Variants in DNAJC11 observed in about 807,000 individuals in gnomAD.
DNAJC11 encodes DnaJ heat shock protein family (Hsp40) member C11.
In DNAJC11, 15 loss-of-function variants were observed where a neutral mutation model predicts 78.6. The observed-to-expected ratio is 0.19, with a 90% CI of 0.13 to 0.29. The LOEUF (loss-of-function observed/expected upper bound fraction) is 0.29. Ranked by LOEUF, DNAJC11 falls within the 10% of genes least tolerant of loss-of-function variation. The probability of loss-of-function intolerance (pLI) is 1.00; values close to 1 mark genes in which losing one functional copy is unlikely to be tolerated. For missense variants in DNAJC11, 547 were observed against 709.6 expected, an observed-to-expected ratio of 0.77 and a Z score of 2.60; for synonymous variants, 292 against 272.1, an observed-to-expected ratio of 1.07 and a Z score of -0.72.
chr1:6,646,064 C>A, intron 7 of DNAJC11, 86 bp from the exon 8 acceptor site: 1 of 1,370,950 alleles, frequency 7.3e-7, no homozygotes, highest in Non-Finnish European at 1.0e-6. Flanking sequence ...GCTAAGACCT[C>A]ACTTACTGTC....
chr1:6,637,454 G>A lies in DNAJC11; in HGVS notation c.1374C>T (p.Ser458=), dbSNP rs2148726261. ...GAGGACACATGTTCTCACCCATTCT[G>A]GACTCTTCTGCCTCAATTATCCTTC... ...SVRRIIEAEE[S]RMGLIIVNAW... is the part of the protein sequence containing the mutation. The change falls in exon 13 of 16, where the codon TCC becomes TCT. Residue 458 remains serine (S), a synonymous_variant. Coordinates refer to ENST00000377577, the MANE Select transcript of DNAJC11 (RefSeq NM_018198.4). The A allele has an allele frequency of 1.2e-6, 2 of 1,614,204 alleles. No homozygotes were observed. Among genetic ancestry groups the A allele is most frequent in the Non-Finnish European group, 8.5e-7 (1 of 1,180,030 alleles).
intron 3 of DNAJC11, among the ~76,000 whole-genome samples, chr1:6,676,223 G>C (rs938538630): frequency 6.6e-6 from 1 of 152,126 alleles, no homozygotes; most frequent in Non-Finnish European, 1.5e-5. Context: ...TGGGGACTGG[G>C]ACAAATTGGA....
rs1355115344 is a variant in DNAJC11, at chr1:6,638,345, C to G, written c.1273G>C (p.Glu425Gln). The part of the protein sequence containing the change: ...QKEKELEKQR[E>Q]SAATDVLQKK... ...TGCAGCACATCGGTGGCGGCGCTTTCCCTCTGCTTCTCCAATTCCCTTACG... is the reference window on the plus strand; with the variant it reads ...TGCAGCACATCGGTGGCGGCGCTTTGCCTCTGCTTCTCCAATTCCCTTACG... Residue 425 changes from glutamate to glutamine, a missense_variant, in exon 12 of 16, where the codon GAA becomes CAA. Glu to Gln is a conservative substitution (Grantham distance 29). Coordinates refer to ENST00000377577, the MANE Select transcript of DNAJC11 (RefSeq NM_018198.4). 1 of 1,613,602 alleles carries G rather than the reference C, an allele frequency of 6.2e-7. No individual in the cohort carries two copies. The highest frequency in any genetic ancestry group is 8.5e-7 in the Non-Finnish European group (1 of 1,179,754).
At chr1:6,664,339 A>C (rs1642264058) in intron 4 of DNAJC11, among the ~76,000 whole-genome samples, 1 of 150,434 alleles carries the variant, frequency 6.6e-6, no homozygotes, top group Non-Finnish European at 1.5e-5. Context: ...TCCTGGGTTC[A>C]CGCCATTCTC....
At position 6,645,924 on chromosome 1, in the gene DNAJC11, G is replaced by A. The variant is rs764103003; in HGVS notation, c.759C>T (p.Gly253=). 3 of 1,614,192 alleles carry A rather than the reference G, an allele frequency of 1.9e-6. No individual in the cohort carries two copies. Among genetic ancestry groups the A allele is most frequent in the African/African-American group, 1.3e-5 (1 of 75,050 alleles). ...GGTTCCGAGCTAGGACAGTGGTCAGGCCGGGTCGGATTCCACGGGATGAAA... is the reference window on the plus strand; with the variant it reads ...GGTTCCGAGCTAGGACAGTGGTCAGACCGGGTCGGATTCCACGGGATGAAA... The part of the protein sequence containing the change: ...LQFSSRGIRP[G]LTTVLARNLD... The change falls in exon 8 of 16, where the codon GGC becomes GGT. Residue 253 remains glycine (G), a synonymous_variant. Transcript: ENST00000377577. The surrounding 1 kb of genome is among the most constrained non-coding windows in gnomAD (Gnocchi z 4.1).
At chr1:6,638,420 C>A in intron 11 of DNAJC11, 56 bp from the exon 12 acceptor site, 1 of 1,556,166 alleles carries the variant, frequency 6.4e-7, no homozygotes, top group Non-Finnish European at 8.8e-7. Flanking sequence ...AGCTTCCAGC[C>A]AACACAGCCC....
intron 4 of DNAJC11, among the ~76,000 whole-genome samples, chr1:6,654,943 C>T (rs182709934): frequency 6.2e-4 from 94 of 152,150 alleles, no homozygotes; most frequent in African/African-American, 2.2e-3. Context: ...GGACTACAGG[C>T]GCACGCCACC....
chr1:6,693,689 T>G (rs1477214197), intron 1 of DNAJC11, among the ~76,000 whole-genome samples: 1 of 151,978 alleles, frequency 6.6e-6, no homozygotes. Flanking sequence ...GCCTTTTATT[T>G]ATTATTATTT....
chr1:6,657,803 C>A (rs1254856145), intron 4 of DNAJC11, among the ~76,000 whole-genome samples: 1 of 151,832 alleles, frequency 6.6e-6, no homozygotes, highest in African/African-American at 2.4e-5. Context: ...TGCCACCACG[C>A]CCGGCTAATT....
chr1:6,668,235 A>C (rs186828841), intron 3 of DNAJC11: 1,663 of 158,224 alleles, frequency 0.011, 30 homozygotes, highest in African/African-American at 0.037. Flanking sequence ...CTCCTGGGTT[A>C]ACACCATTCT....
chr1:6,657,166 G>A (rs952967340), intron 4 of DNAJC11, among the ~76,000 whole-genome samples: 10 of 152,102 alleles, frequency 6.6e-5, no homozygotes, highest in South Asian at 2.1e-4. Flanking sequence ...AACAGAATGC[G>A]TGGATGTGAT....
chr1:6,639,026 A>T (rs1641831755), intron 11 of DNAJC11, among the ~76,000 whole-genome samples: 1 of 152,204 alleles, frequency 6.6e-6, no homozygotes, highest in Admixed American at 6.5e-5. Context: ...GAGGAGATTC[A>T]TTCCTTTATC....
rs780034802 is a variant in DNAJC11 at position 6,660,718 on chromosome 1, A to G, written c.379-6679T>C. Among the ~76,000 whole-genome samples the G allele has an allele frequency of 4.2e-4, 64 of 152,218 alleles. 1 individual carries two copies. The highest frequency in any genetic ancestry group is 4.2e-3 in the Admixed American group (64 of 15,278). On this transcript the variant is annotated intron_variant, in intron 4 of 15. Coordinates refer to ENST00000377577, the MANE Select transcript of DNAJC11 (RefSeq NM_018198.4). ...ATTTTCCCTGATTCCCCCCTTTCGT[A>G]GCTAGCACATTTCTCCCTGTTAAAT...
rs1232676529 is a variant in DNAJC11, at chr1:6,667,723, G to A, written c.364C>T (p.Arg122Ter). 3.1e-6 allele frequency: 5 copies of A among 1,614,008 alleles called. No homozygotes were observed. Among genetic ancestry groups the A allele is most frequent in the Non-Finnish European group, 1.7e-6 (2 of 1,179,972 alleles). The change falls in exon 4 of 16, where the codon CGA becomes TGA. Residue 122 changes from arginine to a stop codon, truncating the protein, a stop_gained. Transcript: ENST00000377577. LOFTEE classifies it high-confidence loss of function. ...REREERRLQQ[R>*]TNPKGTISVG... ...CCCTGGCTTACCTTGGGATTGGTTC[G>A]CTGCTGCAATCTCCTCTCTTCTCTC...
chr1:6,662,491 G>A (rs1262895805), intron 4 of DNAJC11, among the ~76,000 whole-genome samples: 1 of 152,112 alleles, frequency 6.6e-6, no homozygotes, highest in Admixed American at 6.6e-5. Flanking sequence ...TGGACTTCCT[G>A]GGTCAGGTGG....
chr1:6,640,517 A>G (rs1049187531), intron 10 of DNAJC11, among the ~76,000 whole-genome samples: 2 of 152,182 alleles, frequency 1.3e-5, no homozygotes, highest in Non-Finnish European at 2.9e-5. Flanking sequence ...TATTGGACCA[A>G]TGTGTAAACT....
chr1:6,681,706 G>C (rs560786701), intron 1 of DNAJC11, among the ~76,000 whole-genome samples: 4 of 151,108 alleles, frequency 2.6e-5, no homozygotes, highest in Admixed American at 6.6e-5. Context: ...TAACCACAGT[G>C]GGGGGGGCGG....
chr1:6,646,033 C>A, intron 7 of DNAJC11, 55 bp from the exon 8 acceptor site: 1 of 1,561,212 alleles, frequency 6.4e-7, no homozygotes. Flanking sequence ...CTCAGCTGTT[C>A]TGTTACTTCC....
chr1:6,652,933 C>T lies in DNAJC11; in HGVS notation c.526G>A (p.Asp176Asn), dbSNP rs1319741687. Residue 176 changes from aspartate (D) to asparagine (N), a missense_variant, in exon 6 of 16, where the codon GAC (aspartate) becomes AAC (asparagine). Physicochemically the swap from Asp to Asn is conservative, Grantham distance 23. Transcript: ENST00000377577. ...QSIEAPLTAT[D>N]TAILSGSLST... ...AGGCTTCCAGAGAGGATGGCTGTGT[C>T]TGTCGCTGTCAAGGGTGCCTAAAAA... The T allele has an allele frequency of 3.1e-6, 5 of 1,614,032 alleles. No homozygotes were observed. Among genetic ancestry groups the T allele is most frequent in the Non-Finnish European group, 4.2e-6 (5 of 1,180,030 alleles).
Sources: allele counts gnomAD v4.1 joint callset (sites outside exome capture counted in the v4.1 genomes callset), GRCh38; gene constraint gnomAD v4.1.1; non-coding constraint Gnocchi (gnomAD v3.1); transcripts MANE v1.5; gene names NCBI Gene and HGNC (gene_info 2026-07-23, HGNC 2026-07-21).